Variants in PIGN observed in about 807,000 individuals in gnomAD.
The protein encoded by PIGN is phosphatidylinositol glycan anchor biosynthesis class N, also known as GPI ethanolamine phosphate transferase 1.
In PIGN, 117 loss-of-function variants were observed where a neutral mutation model predicts 125.4. The observed-to-expected ratio is 0.93, with a 90% CI of 0.80 to 1.09. PIGN has a LOEUF of 1.09. Among genes scored for constraint, PIGN ranks in the 50% least tolerant of loss-of-function variants. The probability of loss-of-function intolerance (pLI) is 0.00; values close to 1 mark genes in which losing one functional copy is unlikely to be tolerated. For synonymous variants in PIGN, 392 were observed against 377.8 expected, an observed-to-expected ratio of 1.04 and a Z score of -0.44; for missense variants, 1,075 against 1,094.9, an observed-to-expected ratio of 0.98 and a Z score of 0.26.
At chr18:62,029,434 T>C (rs1239676382) in intron 23 of PIGN, among the ~76,000 whole-genome samples, 2 of 152,128 alleles carry the variant, frequency 1.3e-5, no homozygotes, top group Non-Finnish European at 2.9e-5. Flanking sequence ...TAGGTAAAGA[T>C]AGAAAGGGGA....
At chr18:62,082,294 A>G (rs1205953269) in intron 28 of PIGN, among the ~76,000 whole-genome samples, 1 of 152,170 alleles carries the variant, frequency 6.6e-6, no homozygotes, top group Non-Finnish European at 1.5e-5. Flanking sequence ...ACATATTTAT[A>G]TAACATATTT....
chr18:62,065,736 CA>C (rs999921078), intron 30 of PIGN, among the ~76,000 whole-genome samples: 1 of 147,410 alleles, frequency 6.8e-6, no homozygotes, highest in African/African-American at 2.5e-5. Context: ...ACTCCGTCTC[CA>C]AAAAAAAATA....
At chr18:62,169,487 A>G (rs2037274656) in intron 1 of PIGN, among the ~76,000 whole-genome samples, 1 of 151,428 alleles carries the variant, frequency 6.6e-6, no homozygotes, top group African/African-American at 2.4e-5. Context: ...TTTTTTTGAA[A>G]CTCCTGGGCT....
Position 62,112,983 on chromosome 18 carries a change from CTG to C in PIGN, c.1434+149_1434+150del, listed in dbSNP as rs3051702. ...TTCTCAACTGAAGAAACAGAGATAA[CTG>C]AGGAAAAATCCAATACAATAAAAGC... On this transcript the variant is annotated intron_variant, in intron 16 of 30. Coordinates refer to ENST00000640252, the MANE Select transcript of PIGN (RefSeq NM_176787.5). 0.11 allele frequency: 60,445 copies of C among 570,656 alleles called. 3,629 individuals are homozygous for C. The highest frequency in any genetic ancestry group is 0.19 in the South Asian group (6,657 of 34,524). The allele number at this position is 570,656 out of a possible 1,614,324, so 35.3% of individuals were successfully genotyped here.
At chr18:62,183,962 T>C (rs908121163) in intron 1 of PIGN, among the ~76,000 whole-genome samples, 1 of 152,190 alleles carries the variant, frequency 6.6e-6, no homozygotes, top group African/African-American at 2.4e-5. Context: ...TTTAATTGCT[T>C]AATACTAAAT....
rs1410502716 is a variant in PIGN, at chr18:62,157,677, T to C, written c.343+10A>G. 10 of 1,606,928 alleles carry C rather than the reference T, an allele frequency of 6.2e-6. No individual in the cohort carries two copies. The highest frequency in any genetic ancestry group is 8.5e-6 in the Non-Finnish European group (10 of 1,176,180). On this transcript the variant is annotated intron_variant, in intron 5 of 30. Transcript: ENST00000640252. The stretch of plus-strand genomic sequence containing the variant: ...TTTTCATTTCATAAGATTGTCCAAA[T>C]AGACAATACCTTTGGCAACTGCACT...
intron 16 of PIGN, among the ~76,000 whole-genome samples, chr18:62,110,472 A>C (rs756262047): frequency 2.5e-4 from 38 of 152,248 alleles, no homozygotes; most frequent in Non-Finnish European, 4.7e-4. Flanking sequence ...CACTATTCCC[A>C]ATCACCTGCC....
chr18:62,140,315 A>G (rs2036085462), intron 12 of PIGN, 105 bp downstream of exon 12: 2 of 354,778 alleles, frequency 5.6e-6, no homozygotes, highest in East Asian at 5.2e-5. Context: ...GACCCCATCT[A>G]AAAAAAAAAC....
chr18:62,047,859 A>C (rs181611961), intron 30 of PIGN, among the ~76,000 whole-genome samples: 2 of 152,314 alleles, frequency 1.3e-5, no homozygotes, highest in East Asian at 3.9e-4. Context: ...TCAAAACCTA[A>C]ATAACAGAGC....
chr18:62,060,411 T>C (rs905601055), intron 30 of PIGN, among the ~76,000 whole-genome samples: 1 of 152,202 alleles, frequency 6.6e-6, no homozygotes, highest in African/African-American at 2.4e-5. Flanking sequence ...TTCTCCTCTA[T>C]AAGGGTGATG....
chr18:62,074,869 T>C (rs1369645567), intron 28 of PIGN, 48 bp from the exon 29 acceptor site: 1 of 1,337,496 alleles, frequency 7.5e-7, no homozygotes, highest in Admixed American at 1.8e-5. Context: ...ACAGGTGCAT[T>C]TTTCAAGCTC....
chr18:62,149,511 C>G (rs2036455366), intron 7 of PIGN, among the ~76,000 whole-genome samples: 1 of 152,116 alleles, frequency 6.6e-6, no homozygotes, highest in East Asian at 1.9e-4. Flanking sequence ...CTATGTAATC[C>G]TTTCTGGCAG....
At chr18:62,057,744 AT>A (rs1453006204) in intron 30 of PIGN, among the ~76,000 whole-genome samples, 2 of 152,208 alleles carry the variant, frequency 1.3e-5, no homozygotes, top group Non-Finnish European at 2.9e-5. Context: ...TACTCTATGA[AT>A]TCTCTCCTGA....
chr18:62,054,517 G>T (rs1417846747), intron 30 of PIGN, among the ~76,000 whole-genome samples: 1 of 143,598 alleles, frequency 7.0e-6, no homozygotes, highest in African/African-American at 2.6e-5. Context: ...TTTTAGGCAG[G>T]GTCTTGCTCT....
chr18:62,091,075 C>T (rs117623522), intron 23 of PIGN, among the ~76,000 whole-genome samples: 3,801 of 152,160 alleles, frequency 0.025, 56 homozygotes, highest in Middle Eastern at 0.085. Flanking sequence ...GTTGGCCAGG[C>T]GTGGTGGTTC....
chr18:62,166,084 A>C (rs1742057175), intron 1 of PIGN, among the ~76,000 whole-genome samples: 2 of 152,240 alleles, frequency 1.3e-5, no homozygotes, highest in Non-Finnish European at 2.9e-5. Flanking sequence ...TGAATGATGC[A>C]GCAGAAAGCT....
intron 21 of PIGN, among the ~76,000 whole-genome samples, chr18:62,101,845 G>T (rs76705724): frequency 6.6e-6 from 1 of 151,982 alleles, no homozygotes. Context: ...GTTTTCCATC[G>T]TTATCTATGG....
At chr18:62,115,428 AAATG>A (rs1381576493) in intron 14 of PIGN, among the ~76,000 whole-genome samples, 1 of 152,234 alleles carries the variant, frequency 6.6e-6, no homozygotes, top group African/African-American at 2.4e-5. Flanking sequence ...TACATGTCTA[AAATG>A]AATGGCTTTA....
intron 17 of PIGN, among the ~76,000 whole-genome samples, chr18:62,108,383 C>A (rs555952448): frequency 1.8e-3 from 279 of 152,054 alleles, no homozygotes; most frequent in Non-Finnish European, 3.4e-3. Context: ...GTACTAGATA[C>A]AATTTTCTGC....
Sources: gnomAD v4.1 joint callset for allele counts (sites outside exome capture counted in the v4.1 genomes callset) on GRCh38, gnomAD v4.1.1 for gene constraint, MANE v1.5 for transcripts, NCBI Gene and HGNC (gene_info 2026-07-23, HGNC 2026-07-21) for gene names.